ENTREP2: variants seen among roughly 807,000 people sequenced by gnomAD.
ENTREP2 encodes the protein endosomal transmembrane epsin interactor 2, also known as protein ENTREP2.
At chr15:29,477,522 C>G in the ENTREP2 span, among the ~76,000 whole-genome samples, 2 of 152,138 alleles carry the variant, frequency 1.3e-5, no homozygotes, top group African/African-American at 4.8e-5. Flanking sequence ...TGTGGATACA[C>G]GCTGAAAGCC....
chr15:29,615,400 C>T, the ENTREP2 span, among the ~76,000 whole-genome samples: 2 of 152,218 alleles, frequency 1.3e-5, no homozygotes, highest in African/African-American at 2.4e-5. Context: ...AGGTGATCCG[C>T]CCACCTCTGC....
the ENTREP2 span, among the ~76,000 whole-genome samples, chr15:29,565,479 G>A: frequency 6.6e-6 from 1 of 151,868 alleles, no homozygotes; most frequent in Non-Finnish European, 1.5e-5. Flanking sequence ...ATTCCCAGCA[G>A]GAGAATAACT....
At chr15:29,606,553 G>A in the ENTREP2 span, among the ~76,000 whole-genome samples, 1 of 151,866 alleles carries the variant, frequency 6.6e-6, no homozygotes, top group Non-Finnish European at 1.5e-5. Flanking sequence ...GTTTTTCTGG[G>A]TATAACATTT....
At chr15:29,369,553 T>C in the ENTREP2 span, among the ~76,000 whole-genome samples, 1 of 152,016 alleles carries the variant, frequency 6.6e-6, no homozygotes, top group African/African-American at 2.4e-5. Flanking sequence ...GAATCTGCCC[T>C]AAAACAAATA....
the ENTREP2 span, among the ~76,000 whole-genome samples, chr15:29,342,208 G>A: frequency 2.0e-5 from 3 of 152,180 alleles, no homozygotes; most frequent in African/African-American, 4.8e-5. Context: ...ACGGACTGCA[G>A]GTAACTTTTG....
chr15:29,410,364 C>T, the ENTREP2 span, among the ~76,000 whole-genome samples: 3 of 152,034 alleles, frequency 2.0e-5, no homozygotes, highest in African/African-American at 7.2e-5. Context: ...CTAATTGGCT[C>T]CTGCACTGCA....
chr15:29,174,854 T>C, the ENTREP2 span, among the ~76,000 whole-genome samples: 1 of 152,230 alleles, frequency 6.6e-6, no homozygotes, highest in East Asian at 1.9e-4. Context: ...AACCTTTGAC[T>C]TGGCCTGCTT....
chr15:29,180,713 C>A, the ENTREP2 span, among the ~76,000 whole-genome samples: 3 of 151,672 alleles, frequency 2.0e-5, no homozygotes, highest in Admixed American at 6.6e-5. Flanking sequence ...AAAAAAGTAA[C>A]GGAAAAACCC....
chr15:29,420,932 G>A, the ENTREP2 span, among the ~76,000 whole-genome samples: 10 of 152,196 alleles, frequency 6.6e-5, no homozygotes, highest in South Asian at 2.1e-3. Flanking sequence ...ATCTTTTTAG[G>A]TGAAACTAAT....
At chr15:29,282,069 A>G in the ENTREP2 span, among the ~76,000 whole-genome samples, 8 of 152,324 alleles carry the variant, frequency 5.3e-5, 1 homozygote, top group South Asian at 1.7e-3. Flanking sequence ...TGGAAGCTAT[A>G]AAGATGTATC....
chr15:29,301,754 G>C, the ENTREP2 span, among the ~76,000 whole-genome samples: 1 of 152,166 alleles, frequency 6.6e-6, no homozygotes, highest in East Asian at 1.9e-4. Context: ...TCTTTGGAAA[G>C]TGATTAAATC....
chr15:29,195,510 T>C, the ENTREP2 span, among the ~76,000 whole-genome samples: 1 of 152,088 alleles, frequency 6.6e-6, no homozygotes, highest in African/African-American at 2.4e-5. Flanking sequence ...CTGTGCCACA[T>C]CTTTTTATAT....
At chr15:29,630,152 A>G in the ENTREP2 span, among the ~76,000 whole-genome samples, 3 of 152,136 alleles carry the variant, frequency 2.0e-5, no homozygotes, top group Non-Finnish European at 4.4e-5. Context: ...AATTTTTAAA[A>G]AGAGTAAATC....
chr15:29,161,975 C>G, the ENTREP2 span, among the ~76,000 whole-genome samples: 1 of 152,102 alleles, frequency 6.6e-6, no homozygotes, highest in African/African-American at 2.4e-5. Context: ...GAAGACACCC[C>G]AAATACTGTG....
the ENTREP2 span, among the ~76,000 whole-genome samples, chr15:29,368,948 TA>T: frequency 6.6e-6 from 1 of 152,012 alleles, no homozygotes; most frequent in Non-Finnish European, 1.5e-5. Flanking sequence ...AAACTCTCTA[TA>T]GGGGTTAAAG....
At chr15:29,588,094 A>T in the ENTREP2 span, among the ~76,000 whole-genome samples, 1 of 152,208 alleles carries the variant, frequency 6.6e-6, no homozygotes. Context: ...TTGAAAAAAG[A>T]CATGAACTGA....
the ENTREP2 span, among the ~76,000 whole-genome samples, chr15:29,212,839 GGT>G: frequency 2.0e-5 from 3 of 152,158 alleles, no homozygotes; most frequent in African/African-American, 7.2e-5. Context: ...CATTACTTTT[GGT>G]GTTTTAGATG....
At chr15:29,607,890 T>G in the ENTREP2 span, among the ~76,000 whole-genome samples, 1 of 151,880 alleles carries the variant, frequency 6.6e-6, no homozygotes, top group African/African-American at 2.4e-5. Flanking sequence ...GTTTATTAAG[T>G]ATTAAATTAT....
chr15:29,400,955 C>A, the ENTREP2 span, among the ~76,000 whole-genome samples: 2 of 152,222 alleles, frequency 1.3e-5, no homozygotes, highest in Non-Finnish European at 2.9e-5. Context: ...GCCATCGCCC[C>A]GGGCCTTCTG....
Sources: gnomAD v4.1 joint callset for allele counts (sites outside exome capture counted in the v4.1 genomes callset) on GRCh38, gnomAD v4.1.1 for gene constraint, MANE v1.5 for transcripts, NCBI Gene and HGNC (gene_info 2026-07-23, HGNC 2026-07-21) for gene names.